Variants in ZWINT observed in about 807,000 individuals in gnomAD.
ZWINT encodes ZW10 interacting kinetochore protein.
ZWINT carries 41 observed loss-of-function variants against 41.5 expected under a neutral mutation model. The observed-to-expected ratio is 0.99, with a 90% CI of 0.77 to 1.28. ZWINT has a LOEUF of 1.28. ZWINT is among the 50% of genes most tolerant of loss of function. The pLI, the probability that ZWINT is intolerant of heterozygous loss-of-function variation, is 0.00. For missense variants in ZWINT, 369 were observed against 329.7 expected, an observed-to-expected ratio of 1.12 and a Z score of -0.92; for synonymous variants, 132 against 126.8, an observed-to-expected ratio of 1.04 and a Z score of -0.28.
chr10:56,358,251 C>T (rs572065556), intron 8 of ZWINT, 66 bp from the exon 9 acceptor site: 17 of 896,592 alleles, frequency 1.9e-5, no homozygotes, highest in Non-Finnish European at 1.3e-5. Context: ...AACATAAGCT[C>T]TTTCCTGTTC....
At chr10:56,358,489 A>C in intron 7 of ZWINT, 30 bp from the exon 8 acceptor site, 1 of 1,614,022 alleles carries the variant, frequency 6.2e-7, no homozygotes, top group South Asian at 1.1e-5. Flanking sequence ...GACAGTGGGT[A>C]AGGCCAATCT....
chr10:56,361,091 A>G, intron 1 of ZWINT, 105 bp downstream of exon 1: 1 of 1,319,678 alleles, frequency 7.6e-7, no homozygotes, highest in Admixed American at 2.1e-5. Flanking sequence ...GGCAGGGTCG[A>G]ACCTCAACAG....
In ZWINT at chr10:56,359,756, C is replaced by G. The variant is rs1463228655; in HGVS notation, c.354G>C (p.Leu118=). 2 of 1,614,044 alleles carry G rather than the reference C, an allele frequency of 1.2e-6. No individual in the cohort carries two copies. The highest frequency in any genetic ancestry group is 2.2e-5 in the East Asian group (1 of 44,870). ...TCCTCTGGGCTTCCTCCATCTGAGT[C>G]AGGGCCTTGGTGAGGCCAATTTTGA... is the stretch of plus-strand genomic sequence containing the variant. ...EAIKIGLTKA[L]TQMEEAQRKR... Residue 118 remains leucine (L), a synonymous_variant, in exon 4 of 9, where the codon CTG becomes CTC. Transcript: ENST00000373944.
intron 8 of ZWINT, 36 bp downstream of exon 8, chr10:56,358,341 C>T (rs1838221096): frequency 1.3e-6 from 2 of 1,546,106 alleles, no homozygotes; most frequent in South Asian, 1.1e-5. Flanking sequence ...TCCACACTTG[C>T]AGTCCAGGGA....
upstream of ZWINT, chr10:56,361,268 A>G (rs200036931): frequency 6.2e-7 from 1 of 1,606,610 alleles, no homozygotes; most frequent in South Asian, 1.1e-5. Flanking sequence ...CTGCCTTCCC[A>G]CAATCCCTAA....
In ZWINT at chr10:56,361,035, G is replaced by A. The variant is rs116651970; in HGVS notation, c.41+161C>T. On this transcript the variant is annotated intron_variant, in intron 1 of 8. Transcript: ENST00000373944. Reference sequence around the variant, plus strand: ...GGCTGTACTCCTGGAGCAGGCAACAGACACCTCAGGAACCTAAGACGGGAC... The same window carrying A: ...GGCTGTACTCCTGGAGCAGGCAACAAACACCTCAGGAACCTAAGACGGGAC... 4.6e-3 allele frequency among the ~76,000 whole-genome samples: 695 copies of A among 152,224 alleles called. 5 individuals are homozygous for A. Among genetic ancestry groups the A allele is most frequent in the African/African-American group, 0.015 (642 of 41,524 alleles).
At position 56,358,931 on chromosome 10, in the gene ZWINT, T is replaced by G; in HGVS notation, c.497A>C (p.His166Pro). The part of the protein sequence containing the change: ...WQLQQEKHLQ[H>P]LAEVSAEVRE... Reference sequence around the variant, plus strand: ...CACCTCTGCAGAAACCTCCGCCAGATGCTGCAGATGCTTCTCCTGCCAGGA... The same window carrying G: ...CACCTCTGCAGAAACCTCCGCCAGAGGCTGCAGATGCTTCTCCTGCCAGGA... The change falls in exon 6 of 9, where the codon CAT becomes CCT. Residue 166 changes from histidine (H) to proline (P), a missense_variant. Transcript: ENST00000373944. 15 of 1,614,108 alleles carry G rather than the reference T, an allele frequency of 9.3e-6. No individual in the cohort carries two copies. Among genetic ancestry groups the G allele is most frequent in the Non-Finnish European group, 1.2e-5 (14 of 1,180,014 alleles).
At chr10:56,359,028 C>CAG in intron 5 of ZWINT, 81 bp from the exon 6 acceptor site, 2 of 1,522,292 alleles carry the variant, frequency 1.3e-6, no homozygotes, top group Non-Finnish European at 8.9e-7. Context: ...AGCCTACACC[C>CAG]AGCTCAGGGC....
Position 56,358,363 on chromosome 10 carries a change from G to A in ZWINT, c.*41+14C>T. ...TTGCAGTCCAGGGACACCAAGGCCT[G>A]AGTTGGGTCTGACCTTTTCTAGGAT... On this transcript the variant is annotated intron_variant, in intron 8 of 8. Coordinates refer to ENST00000373944, the MANE Select transcript of ZWINT (RefSeq NM_007057.4). The A allele has an allele frequency of 6.2e-7, 1 of 1,608,092 alleles. No individual in the cohort carries two copies. The highest frequency in any genetic ancestry group is 1.7e-4 in the Middle Eastern group (1 of 6,010).
intron 5 of ZWINT, 63 bp downstream of exon 5, chr10:56,359,413 G>C: frequency 6.9e-7 from 1 of 1,458,466 alleles, no homozygotes; most frequent in Non-Finnish European, 9.2e-7. Context: ...TCTAGACAGG[G>C]GACACAGCCG....
chr10:56,358,519 T>A (rs1184680626), intron 7 of ZWINT, 37 bp downstream of exon 7: 3 of 1,613,960 alleles, frequency 1.9e-6, no homozygotes, highest in Non-Finnish European at 2.5e-6. Flanking sequence ...TGTCTCCACC[T>A]GCCAGCCCAT....
Position 56,357,902 on chromosome 10 carries a change from C to A in ZWINT, c.*325G>T. 2.8e-6 allele frequency: 1 copy of A among 361,692 alleles called. No individual in the cohort carries two copies. Among genetic ancestry groups the A allele is most frequent in the Non-Finnish European group, 5.5e-6 (1 of 183,306 alleles). The allele number at this position is 361,692 out of a possible 1,614,324, so 22.4% of individuals were successfully genotyped here. On this transcript the variant is annotated 3_prime_UTR_variant, in exon 9 of 9. Transcript: ENST00000373944. ...CTCCTCCTCCTTGAATTAAATTCAC[C>A]ATGTCTGCATCATAGGAGGCCCAAG...
Position 56,358,562 on chromosome 10 carries a change from G to A in ZWINT, c.786C>T (p.Ser262=). The A allele has an allele frequency of 1.9e-6, 3 of 1,613,968 alleles. No homozygotes were observed. Among genetic ancestry groups the A allele is most frequent in the Non-Finnish European group, 2.5e-6 (3 of 1,179,952 alleles). Residue 262 remains serine, a synonymous_variant, in exon 7 of 9, where the codon TCC becomes TCT. Transcript: ENST00000373944. ...GDTMGRDPGV[S]FKAVGLQPAG... ...TGTTCCATCTCTCATTTACCTTGAA[G>A]GACACACCAGGGTCTCTCCCCATGG...
chr10:56,359,873 A>G lies in ZWINT; in HGVS notation c.257-20T>C. 1 of 1,611,010 alleles carries G rather than the reference A, an allele frequency of 6.2e-7. No homozygotes were observed. The highest frequency in any genetic ancestry group is 8.5e-7 in the Non-Finnish European group (1 of 1,177,558). On this transcript the variant is annotated intron_variant, in intron 3 of 8. Coordinates refer to ENST00000373944, the MANE Select transcript of ZWINT (RefSeq NM_007057.4). The stretch of plus-strand genomic sequence containing the variant: ...TCTGTCCTGAGATGAGCCACCAGGA[A>G]TGAGTACATGAGTGAGGGTGGCCTG...
chr10:56,360,174 C>T lies in ZWINT; in HGVS notation c.133-33G>A. On this transcript the variant is annotated intron_variant, in intron 2 of 8. Transcript: ENST00000373944. ...GAGGGAGGGCAGAGACAGGGAACAT[C>T]CTTACCTCCTTACAGGTTTCCTTAA... The T allele has an allele frequency of 2.5e-6, 4 of 1,612,962 alleles. No homozygotes were observed. The South Asian group carries it at 3.3e-5, about 13-fold the overall frequency.
Position 56,358,868 on chromosome 10 carries a change from CT to C in ZWINT, c.559del (p.Arg187GlyfsTer9), listed in dbSNP as rs754197825. On this transcript the variant is annotated frameshift_variant, in exon 6 of 9. Coordinates refer to ENST00000373944, the MANE Select transcript of ZWINT (RefSeq NM_007057.4). LOFTEE classifies it high-confidence loss of function. ...RKTGTQQELD[R>X]VFQKLGNLKQ... Reference sequence around the variant, plus strand: ...CAGGTTTCCAAGTTTCTGAAACACCCTGTCAAGCTCCTGCTGAGTCCCTGTC... The same window carrying C: ...CAGGTTTCCAAGTTTCTGAAACACCCGTCAAGCTCCTGCTGAGTCCCTGTC... 6.2e-7 allele frequency: 1 copy of C among 1,614,100 alleles called. No individual in the cohort carries two copies. The highest frequency in any genetic ancestry group is 1.1e-5 in the South Asian group (1 of 91,078).
rs1236089593 is a variant in ZWINT, at chr10:56,360,345, C to A, written c.80G>T (p.Gly27Val). ...AEVAGILEPV[G>V]LQEEAELPAK... is the part of the protein sequence containing the mutation. ...TGGCAGTTCTGCCTCCTCCTGCAGG[C>A]CTACAGGTTCCAAGATGCCTGCCAC... Residue 27 changes from glycine to valine, a missense_variant, in exon 2 of 9, where the codon GGC becomes GTC. Coordinates refer to ENST00000373944, the MANE Select transcript of ZWINT (RefSeq NM_007057.4). 6.2e-7 allele frequency: 1 copy of A among 1,614,088 alleles called. No homozygotes were observed. Among genetic ancestry groups the A allele is most frequent in the African/African-American group, 1.3e-5 (1 of 74,942 alleles).
Position 56,358,429 on chromosome 10 carries a change from T to C in ZWINT, c.823A>G (p.Asn275Asp), listed in dbSNP as rs748302609. 5 of 1,613,914 alleles carry C rather than the reference T, an allele frequency of 3.1e-6. No individual in the cohort carries two copies. The Admixed American group carries it at 8.3e-5, about 27-fold the overall frequency. Reference protein sequence around the residue: ...AVGLQPAGDVNLP With the variant: ...AVGLQPAGDVDLP ...TGTCCTCCAGGAAGTCATGGCAAAT[T>C]TACATCTCCAGCAGGTTGTAGACCA... Residue 275 changes from asparagine to aspartate, a missense_variant, in exon 8 of 9, where the codon AAT becomes GAT. Asn to Asp is a conservative substitution (Grantham distance 23). Transcript: ENST00000373944.
intron 1 of ZWINT, 56 bp downstream of exon 1, chr10:56,361,140 G>A: frequency 6.2e-7 from 1 of 1,600,224 alleles, no homozygotes; most frequent in South Asian, 1.1e-5. Context: ...ACACATAGGG[G>A]CCCACAAGGT....
Sources: gnomAD v4.1 joint callset for allele counts (sites outside exome capture counted in the v4.1 genomes callset) on GRCh38, gnomAD v4.1.1 for gene constraint, MANE v1.5 for transcripts, NCBI Gene and HGNC (gene_info 2026-07-23, HGNC 2026-07-21) for gene names.